TSPAN9: variants seen among roughly 807,000 people sequenced by gnomAD.
The protein encoded by TSPAN9 is tetraspanin-9.
TSPAN9 carries 16 observed loss-of-function variants against 31.0 expected under a neutral mutation model. That is an observed-to-expected ratio of 0.52 (90% CI 0.35 to 0.78). The LOEUF is 0.78. Ranked by LOEUF, TSPAN9 falls within the 30% of genes least tolerant of loss-of-function variation. The pLI, the probability that TSPAN9 is intolerant of heterozygous loss-of-function variation, is 0.01. For synonymous variants in TSPAN9, 145 were observed against 121.6 expected (o/e 1.19, Z -1.27); for missense variants, 272 against 312.5 (o/e 0.87, Z 0.98).
intron 2 of TSPAN9, among the ~76,000 whole-genome samples, chr12:3,176,437 T>A (rs2098355638): frequency 6.6e-6 from 1 of 152,218 alleles, no homozygotes; most frequent in African/African-American, 2.4e-5. Context: ...ACCAGGCACC[T>A]CATGGCTGCT....
chr12:3,146,224 A>G (rs73050166), intron 2 of TSPAN9, among the ~76,000 whole-genome samples: 14,680 of 152,248 alleles, frequency 0.096, 913 homozygotes, highest in Middle Eastern at 0.17. Context: ...TTTGTGGTCA[A>G]TGGCAAAGGG....
At chr12:3,106,859 A>G (rs1565577898) in intron 2 of TSPAN9, among the ~76,000 whole-genome samples, 1 of 152,182 alleles carries the variant, frequency 6.6e-6, no homozygotes, top group Non-Finnish European at 1.5e-5. Context: ...TGGCTTCTCA[A>G]GCTCAGGCTG....
chr12:3,225,634 A>T (rs1249517247), intron 3 of TSPAN9, among the ~76,000 whole-genome samples: 1 of 152,100 alleles, frequency 6.6e-6, no homozygotes, highest in East Asian at 1.9e-4. Flanking sequence ...TGCCTGACTC[A>T]TGCTTGGTTC....
intron 3 of TSPAN9, among the ~76,000 whole-genome samples, chr12:3,246,572 C>G (rs1862132239): frequency 6.6e-6 from 1 of 152,178 alleles, no homozygotes; most frequent in East Asian, 1.9e-4. Context: ...GATTCCGAGC[C>G]CATTCCTCCC....
chr12:3,159,714 T>C (rs1344343587), intron 2 of TSPAN9, among the ~76,000 whole-genome samples: 1 of 151,960 alleles, frequency 6.6e-6, no homozygotes, highest in African/African-American at 2.4e-5. Context: ...ATTAAGAAAC[T>C]GTATATATAG....
At chr12:3,273,865 C>T (rs531643893) in intron 3 of TSPAN9, among the ~76,000 whole-genome samples, 6 of 152,324 alleles carry the variant, frequency 3.9e-5, no homozygotes, top group Non-Finnish European at 7.3e-5. Context: ...TGCCCTTGCT[C>T]CCTCCCCGAT....
intron 1 of TSPAN9, among the ~76,000 whole-genome samples, chr12:3,082,834 GC>G (rs1164441437): frequency 3.3e-5 from 5 of 152,180 alleles, no homozygotes; most frequent in African/African-American, 9.6e-5. Flanking sequence ...TAGATTGCAA[GC>G]CCCTTCAGGG....
At chr12:3,127,336 C>G (rs902604003) in intron 2 of TSPAN9, among the ~76,000 whole-genome samples, 1 of 151,850 alleles carries the variant, frequency 6.6e-6, no homozygotes, top group African/African-American at 2.4e-5. Context: ...TGCTTGAGGC[C>G]GTTTTACTTA....
At chr12:3,216,753 T>C (rs1031249966) in intron 3 of TSPAN9, among the ~76,000 whole-genome samples, 5 of 152,224 alleles carry the variant, frequency 3.3e-5, no homozygotes, top group Non-Finnish European at 7.4e-5. Context: ...CTGCTGCCTT[T>C]CTCTGCTTCC....
rs755999144 is a variant in TSPAN9 at position 3,187,541 on chromosome 12, T to C, written c.-17-13636T>C. 2.6e-5 allele frequency among the ~76,000 whole-genome samples: 4 copies of C among 152,172 alleles called. No homozygotes were observed. The highest frequency in any genetic ancestry group is 4.4e-5 in the Non-Finnish European group (3 of 68,040). On this transcript the variant is annotated intron_variant, in intron 2 of 8. Coordinates refer to ENST00000011898, the MANE Select transcript of TSPAN9 (RefSeq NM_006675.5). This position sits in a 1 kb window ranked among gnomAD's most constrained non-coding sequence, Gnocchi z 5.2. ...AGGAGACATAGGTTCCAGTCCCAGCTCTCCTTACTTGCTTAGACGAGTGCT... is the reference window on the plus strand; with the variant it reads ...AGGAGACATAGGTTCCAGTCCCAGCCCTCCTTACTTGCTTAGACGAGTGCT...
intron 3 of TSPAN9, among the ~76,000 whole-genome samples, chr12:3,212,141 T>C (rs1183227816): frequency 2.6e-5 from 4 of 152,230 alleles, no homozygotes; most frequent in Admixed American, 2.0e-4. Context: ...CTGGCTAATT[T>C]TTGTATTTTT....
chr12:3,201,285 G>A (rs948492509), intron 3 of TSPAN9, 29 bp downstream of exon 3: 4 of 1,598,282 alleles, frequency 2.5e-6, no homozygotes, highest in Non-Finnish European at 3.4e-6. Context: ...CTCTCCCTTC[G>A]CCCTCTTCTC....
At chr12:3,195,378 A>G (rs1052048002) in intron 2 of TSPAN9, among the ~76,000 whole-genome samples, 5 of 151,902 alleles carry the variant, frequency 3.3e-5, no homozygotes, top group African/African-American at 9.7e-5. Flanking sequence ...TCATTTATTC[A>G]CTTTTCTTCT....
At chr12:3,281,915 G>A (rs1462053529) in intron 8 of TSPAN9, 98 bp downstream of exon 8, 1 of 1,340,374 alleles carries the variant, frequency 7.5e-7, no homozygotes, top group African/African-American at 1.4e-5. Context: ...GTACACGGCG[G>A]AGGGTCTGGA....
chr12:3,107,135 A>C lies in TSPAN9; in HGVS notation c.-18+23416A>C, dbSNP rs74057543. On this transcript the variant is annotated intron_variant, in intron 2 of 8. Transcript: ENST00000011898. The surrounding 1 kb of genome is among the most constrained non-coding windows in gnomAD (Gnocchi z 4.1). ...TGCCACCGCAGAGCACGAAATCATC[A>C]CGGGGCTGTGGAAATCCAATTAGAC... Among the ~76,000 whole-genome samples the C allele has an allele frequency of 0.031, 4,730 of 152,038 alleles. 244 individuals are homozygous for C. The highest frequency in any genetic ancestry group is 0.11 in the African/African-American group (4,400 of 41,470).
At chr12:3,216,573 T>A (rs992532423) in intron 3 of TSPAN9, among the ~76,000 whole-genome samples, 1 of 152,196 alleles carries the variant, frequency 6.6e-6, no homozygotes, top group Non-Finnish European at 1.5e-5. Flanking sequence ...GAGAGGGAGA[T>A]GGGGTGCCTG....
At chr12:3,225,020 G>A (rs1456849395) in intron 3 of TSPAN9, among the ~76,000 whole-genome samples, 1 of 152,164 alleles carries the variant, frequency 6.6e-6, no homozygotes, top group Admixed American at 6.5e-5. Context: ...CTGGTGGTGG[G>A]CACCTTTGCG....
chr12:3,283,131 A>C lies in TSPAN9; in HGVS notation c.*15A>C, dbSNP rs375068489. 1.6e-4 allele frequency: 256 copies of C among 1,606,174 alleles called. No homozygotes were observed. The highest frequency in any genetic ancestry group is 2.1e-4 in the Non-Finnish European group (242 of 1,179,694). ...ACGACGCATGAGCGGGCTGGCCGGGAGTGCCCACCCCGCCCTGCTGCCCTG... is the reference window on the plus strand; with the variant it reads ...ACGACGCATGAGCGGGCTGGCCGGGCGTGCCCACCCCGCCCTGCTGCCCTG... On this transcript the variant is annotated 3_prime_UTR_variant, in exon 9 of 9. Coordinates refer to ENST00000011898, the MANE Select transcript of TSPAN9 (RefSeq NM_006675.5).
chr12:3,165,347 T>C (rs1328299809), intron 2 of TSPAN9, among the ~76,000 whole-genome samples: 3 of 152,226 alleles, frequency 2.0e-5, no homozygotes, highest in Admixed American at 6.5e-5. Context: ...TGCTAATTAA[T>C]GGAGGTTTGC....
Sources: gnomAD v4.1 joint callset for allele counts (sites outside exome capture counted in the v4.1 genomes callset) on GRCh38, gnomAD v4.1.1 for gene constraint, Gnocchi (gnomAD v3.1) non-coding constraint, MANE v1.5 for transcripts, NCBI Gene and HGNC (gene_info 2026-07-23, HGNC 2026-07-21) for gene names.